The following DGKG variants were observed in gnomAD, a reference collection of about 807,000 sequenced individuals.
DGKG encodes the protein DAG kinase gamma.
Under a neutral mutation model 105.3 loss-of-function variants are expected in DGKG, and 78 were observed. The ratio of observed to expected loss-of-function variants is 0.74; its 90% CI spans 0.62 to 0.89. The LOEUF is 0.89. DGKG is among the 40% of genes least tolerant of loss of function. The probability of loss-of-function intolerance (pLI) is 0.00; values close to 1 mark genes in which losing one functional copy is unlikely to be tolerated. For missense variants in DGKG, 958 were observed against 1,020.1 expected, an observed-to-expected ratio of 0.94 and a Z score of 0.83; for synonymous variants, 346 against 367.1, an observed-to-expected ratio of 0.94 and a Z score of 0.66.
intron 20 of DGKG, among the ~76,000 whole-genome samples, chr3:186,240,859 G>A (rs975091939): frequency 6.6e-6 from 1 of 151,958 alleles, no homozygotes; most frequent in African/African-American, 2.4e-5. Flanking sequence ...AAAAGCCTGA[G>A]GAATGGGTTG....
chr3:186,158,145 G>T, intron 24 of DGKG: 1 of 678,618 alleles, frequency 1.5e-6, no homozygotes, highest in Non-Finnish European at 1.8e-6. Context: ...TTAAGAACTA[G>T]TTCTAGAGTT....
intron 1 of DGKG, among the ~76,000 whole-genome samples, chr3:186,341,244 G>T (rs1209505051): frequency 6.6e-6 from 1 of 152,252 alleles, no homozygotes; most frequent in Admixed American, 6.5e-5. Context: ...TCTGGACCAT[G>T]ATTTATCATA....
chr3:186,348,082 GT>G (rs1416950022), intron 1 of DGKG, among the ~76,000 whole-genome samples: 1 of 152,076 alleles, frequency 6.6e-6, no homozygotes, highest in Non-Finnish European at 1.5e-5. Context: ...GCACATCAAG[GT>G]TTTTTGCCTT....
At chr3:186,337,822 A>C (rs995920462) in intron 1 of DGKG, among the ~76,000 whole-genome samples, 1 of 152,222 alleles carries the variant, frequency 6.6e-6, no homozygotes, top group African/African-American at 2.4e-5. Flanking sequence ...CACTAGCAAC[A>C]GCCAATTAGG....
chr3:186,222,067 A>G (rs1719610752), intron 20 of DGKG, among the ~76,000 whole-genome samples: 3 of 152,148 alleles, frequency 2.0e-5, no homozygotes, highest in Admixed American at 6.5e-5. Context: ...GACGTGTGAG[A>G]TGGTTGTTCC....
chr3:186,170,954 C>A (rs1716785212), intron 22 of DGKG, among the ~76,000 whole-genome samples: 1 of 152,212 alleles, frequency 6.6e-6, no homozygotes, highest in Non-Finnish European at 1.5e-5. Context: ...CATGTCCAGT[C>A]TTTCTTTGGG....
chr3:186,345,768 T>G (rs1424407372), intron 1 of DGKG, among the ~76,000 whole-genome samples: 1 of 152,162 alleles, frequency 6.6e-6, no homozygotes, highest in Non-Finnish European at 1.5e-5. Context: ...TTGCATATAG[T>G]TTTGTTTTGT....
At chr3:186,327,103 G>C (rs1725378482) in intron 1 of DGKG, among the ~76,000 whole-genome samples, 1 of 152,164 alleles carries the variant, frequency 6.6e-6, no homozygotes, top group Non-Finnish European at 1.5e-5. Flanking sequence ...GATCAAGGCT[G>C]CACTGAACTA....
chr3:186,149,628 G>C lies in DGKG; in HGVS notation c.*462C>G. 1.0e-6 allele frequency: 1 copy of C among 988,514 alleles called. No individual in the cohort carries two copies. Among genetic ancestry groups the C allele is most frequent in the South Asian group, 4.6e-5 (1 of 21,734 alleles). 61.2% of individuals were successfully genotyped at this position (988,514 alleles called of 1,614,324 possible). A position where few individuals can be genotyped will look rare whatever the true frequency, so the allele number is the denominator to read the frequency against. The stretch of plus-strand genomic sequence containing the variant: ...GAGGCCGTTTTGTCTCTGTACAGAG[G>C]GAACTTTGTGCAAATTCTCTGGAAC... On this transcript the variant is annotated 3_prime_UTR_variant, in exon 25 of 25. Coordinates refer to ENST00000265022, the MANE Select transcript of DGKG (RefSeq NM_001346.3).
At chr3:186,333,474 C>A (rs1725692974) in intron 1 of DGKG, among the ~76,000 whole-genome samples, 1 of 152,162 alleles carries the variant, frequency 6.6e-6, no homozygotes, top group Non-Finnish European at 1.5e-5. Context: ...CCATGACTGC[C>A]AGAAAACTGT....
chr3:186,346,236 G>A (rs542896125), intron 1 of DGKG, among the ~76,000 whole-genome samples: 16 of 152,266 alleles, frequency 1.1e-4, no homozygotes, highest in African/African-American at 3.1e-4. Context: ...TAATTCTGCT[G>A]TTGTGCTTCA....
Position 186,148,390 on chromosome 3 carries a change from T to G in DGKG, c.*1700A>C, listed in dbSNP as rs1715594708. On this transcript the variant is annotated 3_prime_UTR_variant, in exon 25 of 25. Transcript: ENST00000265022. ...GGAGAGTTCAGTCTGATGATCTGTT[T>G]AGTACCTTCGATCTCAGACCAACTT... 1.0e-6 allele frequency: 1 copy of G among 985,296 alleles called. No homozygotes were observed. Among genetic ancestry groups the G allele is most frequent in the Admixed American group, 6.1e-5 (1 of 16,266 alleles). 61.0% of individuals were successfully genotyped at this position (985,296 alleles called of 1,614,324 possible).
At chr3:186,297,062 T>TCCACA (rs1491170428) in intron 5 of DGKG, among the ~76,000 whole-genome samples, 2 of 26,784 alleles carry the variant, frequency 7.5e-5, no homozygotes, top group African/African-American at 1.6e-4. Context: ...TGTCTGTCTG[T>TCCACA]CTCTCTCACA....
At position 186,284,875 on chromosome 3, in the gene DGKG, A is replaced by G. The variant is rs1208043734; in HGVS notation, c.545-166T>C. Among the ~76,000 whole-genome samples the G allele has an allele frequency of 6.6e-6, 1 of 152,176 alleles. No individual in the cohort carries two copies. Among genetic ancestry groups the G allele is most frequent in the Middle Eastern group, 3.2e-3 (1 of 316 alleles). On this transcript the variant is annotated intron_variant, in intron 6 of 24. Transcript: ENST00000265022. This position sits in a 1 kb window ranked among gnomAD's most constrained non-coding sequence, Gnocchi z 4.0. ...CACAGAGTCTGACTTCCTTACAGAG[A>G]GGCTGGGCCAAGGGAGGAGAACCAC...
chr3:186,282,763 A>G (rs1163699898), intron 7 of DGKG, among the ~76,000 whole-genome samples: 1 of 151,888 alleles, frequency 6.6e-6, no homozygotes, highest in Non-Finnish European at 1.5e-5. Context: ...TGATCCGCCC[A>G]CCTCAGCTTC....
chr3:186,213,959 G>A (rs1719158857), intron 20 of DGKG, among the ~76,000 whole-genome samples: 2 of 152,240 alleles, frequency 1.3e-5, no homozygotes, highest in Non-Finnish European at 2.9e-5. Context: ...TGTCATAAAT[G>A]TCAAAGCTGA....
chr3:186,265,667 T>TTC (rs1449291468), intron 13 of DGKG, among the ~76,000 whole-genome samples: 18 of 139,574 alleles, frequency 1.3e-4, no homozygotes, highest in African/African-American at 4.8e-4. Flanking sequence ...CTTTTTTTTT[T>TTC]TTTTTTTTTT....
chr3:186,273,700 G>C (rs1355428447), intron 10 of DGKG, among the ~76,000 whole-genome samples: 3 of 152,060 alleles, frequency 2.0e-5, no homozygotes, highest in Non-Finnish European at 2.9e-5. Flanking sequence ...GCCCGTTGAT[G>C]CTTGGTCTTT....
At chr3:186,331,209 A>T (rs1725586953) in intron 1 of DGKG, among the ~76,000 whole-genome samples, 1 of 152,222 alleles carries the variant, frequency 6.6e-6, no homozygotes, top group African/African-American at 2.4e-5. Context: ...AACCACAACC[A>T]ACTCAAAGCA....
Sources: gnomAD v4.1 joint callset for allele counts (sites outside exome capture counted in the v4.1 genomes callset) on GRCh38, gnomAD v4.1.1 for gene constraint, Gnocchi (gnomAD v3.1) non-coding constraint, MANE v1.5 for transcripts, NCBI Gene and HGNC (gene_info 2026-07-23, HGNC 2026-07-21) for gene names.